FMN1: variants seen among roughly 807,000 people sequenced by gnomAD.
The protein encoded by FMN1 is formin-1.
FMN1 carries 110 observed loss-of-function variants against 132.4 expected under a neutral mutation model. That is an observed-to-expected ratio of 0.83 (90% CI 0.71 to 0.97). The LOEUF is 0.97. FMN1 is among the 50% of genes least tolerant of loss of function. The pLI, the probability that FMN1 is intolerant of heterozygous loss-of-function variation, is 0.00. For synonymous variants in FMN1, 722 were observed against 651.7 expected, an observed-to-expected ratio of 1.11 and a Z score of -1.64; for missense variants, 1,792 against 1,705.3, an observed-to-expected ratio of 1.05 and a Z score of -0.90.
chr15:32,959,068 T>C (rs542715993), intron 9 of FMN1, among the ~76,000 whole-genome samples: 46 of 149,404 alleles, frequency 3.1e-4, no homozygotes, highest in Middle Eastern at 6.8e-3. Context: ...AAAAAAGACA[T>C]TCATATTCAC....
chr15:32,887,622 A>G (rs946295155), intron 16 of FMN1, among the ~76,000 whole-genome samples: 3 of 152,248 alleles, frequency 2.0e-5, no homozygotes, highest in Admixed American at 6.5e-5. Flanking sequence ...TATGTGTACG[A>G]TATGTATGAT....
intron 6 of FMN1, among the ~76,000 whole-genome samples, chr15:33,009,692 A>T (rs1304160656): frequency 3.3e-5 from 5 of 152,184 alleles, no homozygotes; most frequent in African/African-American, 1.2e-4. Context: ...AGGTACCATT[A>T]TTGTCTCCAT....
At chr15:33,003,690 CTACTT>C (rs2034248244) in intron 7 of FMN1, among the ~76,000 whole-genome samples, 2 of 152,162 alleles carry the variant, frequency 1.3e-5, no homozygotes, top group Admixed American at 6.5e-5. Flanking sequence ...TTGGAAAAAA[CTACTT>C]TAAAGTTCAC....
At chr15:33,090,703 T>C (rs1379306272) in intron 4 of FMN1, among the ~76,000 whole-genome samples, 3 of 152,156 alleles carry the variant, frequency 2.0e-5, no homozygotes, top group East Asian at 1.9e-4. Context: ...TGGCCTTTCA[T>C]TTAGGGTCTC....
At chr15:32,815,910 A>G (rs1355930685) in intron 17 of FMN1, among the ~76,000 whole-genome samples, 2 of 152,192 alleles carry the variant, frequency 1.3e-5, no homozygotes, top group Non-Finnish European at 2.9e-5. Context: ...CTAACTATTG[A>G]CACTGGGTCA....
Position 32,766,967 on chromosome 15 carries a change from A to T in FMN1, c.*7343T>A, listed in dbSNP as rs1038677157. ...GGTCTATGGTCAAGCAGCCCCATGGATCTGAAATTGTTGGAGCTGTTAAAC... is the reference window on the plus strand; with the variant it reads ...GGTCTATGGTCAAGCAGCCCCATGGTTCTGAAATTGTTGGAGCTGTTAAAC... On this transcript the variant is annotated 3_prime_UTR_variant, in exon 21 of 21. Coordinates refer to ENST00000616417, the MANE Select transcript of FMN1 (RefSeq NM_001277313.2). The T allele has an allele frequency of 9.2e-5, 14 of 152,248 alleles. No individual in the cohort carries two copies. Among genetic ancestry groups the T allele is most frequent in the African/African-American group, 3.4e-4 (14 of 41,458 alleles). 9.4% of individuals were successfully genotyped at this position (152,248 alleles called of 1,614,324 possible). A position where few individuals can be genotyped will look rare whatever the true frequency, so the allele number is the denominator to read the frequency against.
At chr15:32,826,195 T>G (rs1333412817) in intron 17 of FMN1, among the ~76,000 whole-genome samples, 5 of 152,182 alleles carry the variant, frequency 3.3e-5, no homozygotes, top group Admixed American at 2.6e-4. Context: ...TTCCCACACA[T>G]GTCAAGAGGG....
At chr15:32,907,837 G>C (rs1327080674) in intron 12 of FMN1, among the ~76,000 whole-genome samples, 1 of 151,144 alleles carries the variant, frequency 6.6e-6, no homozygotes, top group Non-Finnish European at 1.5e-5. Context: ...AGCTGGGCAG[G>C]GTCGTGGGGC....
intron 17 of FMN1, among the ~76,000 whole-genome samples, chr15:32,806,715 T>A (rs2057694981): frequency 6.6e-6 from 1 of 152,246 alleles, no homozygotes; most frequent in Non-Finnish European, 1.5e-5. Context: ...GCGTGCACAT[T>A]GGAGGATCTT....
At chr15:32,786,668 T>A (rs992580599) in intron 19 of FMN1, among the ~76,000 whole-genome samples, 3 of 152,162 alleles carry the variant, frequency 2.0e-5, no homozygotes, top group Non-Finnish European at 4.4e-5. Flanking sequence ...ATCACATGGT[T>A]TATGGCATTT....
intron 10 of FMN1, among the ~76,000 whole-genome samples, chr15:32,919,341 G>A (rs1447986561): frequency 6.6e-6 from 1 of 152,140 alleles, no homozygotes; most frequent in Non-Finnish European, 1.5e-5. Flanking sequence ...ATCAGTTATG[G>A]AAGTGGGTAA....
chr15:32,998,548 TATTG>T (rs914159265), intron 7 of FMN1, among the ~76,000 whole-genome samples: 2 of 152,108 alleles, frequency 1.3e-5, no homozygotes, highest in African/African-American at 4.8e-5. Flanking sequence ...TTTACAGAAT[TATTG>T]AGTGAGGCAG....
Position 33,189,336 on chromosome 15 carries a change from A to C in FMN1, c.-197+4573T>G, listed in dbSNP as rs16966441. ...GGACTGATGCCAATTCTGTAGATGA[A>C]ATCCATTTTCTGCAGAACTGTGGGC... On this transcript the variant is annotated intron_variant, in intron 2 of 20. Coordinates refer to ENST00000616417, the MANE Select transcript of FMN1 (RefSeq NM_001277313.2). Among the ~76,000 whole-genome samples the C allele has an allele frequency of 2.5e-3, 385 of 152,304 alleles. 5 individuals carry two copies. Among genetic ancestry groups the C allele is most frequent in the African/African-American group, 8.9e-3 (370 of 41,564 alleles).
intron 6 of FMN1, among the ~76,000 whole-genome samples, chr15:33,027,376 G>A (rs1196630919): frequency 6.6e-6 from 1 of 152,130 alleles, no homozygotes; most frequent in Non-Finnish European, 1.5e-5. Flanking sequence ...AATATACTAA[G>A]TAATTACTCA....
chr15:33,145,657 C>T (rs934145175), intron 4 of FMN1, among the ~76,000 whole-genome samples: 1 of 151,336 alleles, frequency 6.6e-6, no homozygotes, highest in African/African-American at 2.4e-5. Context: ...TTAAGATGAG[C>T]TTTGTCCTGT....
chr15:33,045,222 T>C (rs993929139), intron 6 of FMN1, among the ~76,000 whole-genome samples: 2 of 152,176 alleles, frequency 1.3e-5, no homozygotes, highest in Admixed American at 6.5e-5. Flanking sequence ...GAGCTGCCCA[T>C]CCCGCTGCAG....
At chr15:33,172,271 A>G (rs770845766) in intron 3 of FMN1, among the ~76,000 whole-genome samples, 12 of 152,154 alleles carry the variant, frequency 7.9e-5, no homozygotes, top group Non-Finnish European at 1.8e-4. Context: ...ATTTTATGGT[A>G]TTAATGAAAA....
intron 6 of FMN1, among the ~76,000 whole-genome samples, chr15:33,034,634 C>G (rs1285876478): frequency 6.7e-6 from 1 of 150,282 alleles, no homozygotes; most frequent in African/African-American, 2.5e-5. Flanking sequence ...TCCAACAGAT[C>G]AGGAAATCCT....
intron 6 of FMN1, among the ~76,000 whole-genome samples, chr15:33,017,463 C>G (rs967871105): frequency 6.6e-6 from 1 of 151,954 alleles, no homozygotes; most frequent in African/African-American, 2.4e-5. Context: ...CCTAAAACTA[C>G]TCTAAAAATA....
Sources: allele counts gnomAD v4.1 joint callset (sites outside exome capture counted in the v4.1 genomes callset), GRCh38; gene constraint gnomAD v4.1.1; transcripts MANE v1.5; gene names NCBI Gene and HGNC (gene_info 2026-07-23, HGNC 2026-07-21).